Variants in PFKFB4 observed in about 807,000 individuals in gnomAD.
The protein encoded by PFKFB4 is 6-phosphofructo-2-kinase/fructose-2,6-bisphosphatase 4.
A neutral mutation model predicts 62.8 loss-of-function variants in PFKFB4; 42 were observed. The observed-to-expected ratio is 0.67, with a 90% confidence interval of 0.52 to 0.86. The LOEUF (loss-of-function observed/expected upper bound fraction) is 0.86, where lower values mean the gene tolerates loss of function less well. PFKFB4 is among the 40% of genes least tolerant of loss of function. The probability of loss-of-function intolerance (pLI) is 0.00; values close to 1 mark genes in which losing one functional copy is unlikely to be tolerated. For synonymous variants in PFKFB4, 204 were observed against 240.7 expected (o/e 0.85, Z 1.41); for missense variants, 475 against 627.2 (o/e 0.76, Z 2.59).
chr3:48,519,736 G>A lies in PFKFB4; in HGVS notation c.*11C>T. 1 of 1,608,754 alleles carries A rather than the reference G, an allele frequency of 6.2e-7. No homozygotes were observed. Among genetic ancestry groups the A allele is most frequent in the Non-Finnish European group, 8.5e-7 (1 of 1,175,604 alleles). ...CAGTGCCTGCCTAGTGGTCACAGTG[G>A]ATGAACATGGTCACTGGTGAGCAGG... is the stretch of plus-strand genomic sequence containing the variant. On this transcript the variant is annotated 3_prime_UTR_variant, in exon 14 of 14. Coordinates refer to ENST00000232375, the MANE Select transcript of PFKFB4 (RefSeq NM_004567.4).
At position 48,539,743 on chromosome 3, in the gene PFKFB4, T is replaced by C. The variant is rs1429783607; in HGVS notation, c.407A>G (p.Glu136Gly). 1.9e-6 allele frequency: 3 copies of C among 1,614,030 alleles called. No individual in the cohort carries two copies. The African/African-American group carries it at 4.0e-5, about 22-fold the overall frequency. Reference sequence around the variant, plus strand: ...AAAATTAAAGATGGTCGCTCTCCGTTCTCGGGTGGTGTTTGTGGCATCAAA... The same window carrying C: ...AAAATTAAAGATGGTCGCTCTCCGTCCTCGGGTGGTGTTTGTGGCATCAAA... ...AVFDATNTTRERRATIFNFGE... is the reference protein window; with the variant it reads ...AVFDATNTTRGRRATIFNFGE... The change falls in exon 5 of 14, where the codon GAA (glutamate) becomes GGA (glycine). Residue 136 changes from glutamate to glycine, a missense_variant. Coordinates refer to ENST00000232375, the MANE Select transcript of PFKFB4 (RefSeq NM_004567.4).
In PFKFB4 at chr3:48,518,029, A is replaced by G. The variant is rs569948728; in HGVS notation, c.*1718T>C. 1 of 152,322 alleles carries G rather than the reference A, an allele frequency of 6.6e-6. No individual in the cohort carries two copies. Among genetic ancestry groups the G allele is most frequent in the Non-Finnish European group, 1.5e-5 (1 of 68,086 alleles). 9.4% of individuals were successfully genotyped at this position (152,322 alleles called of 1,614,324 possible). A position where few individuals can be genotyped will look rare whatever the true frequency, so the allele number is the denominator to read the frequency against. ...CACCTCAGATGACATCCAGAGGTACATGCACTGTTGCTGACCAAGGGAACC... is the reference window on the plus strand; with the variant it reads ...CACCTCAGATGACATCCAGAGGTACGTGCACTGTTGCTGACCAAGGGAACC... On this transcript the variant is annotated 3_prime_UTR_variant, in exon 14 of 14. Coordinates refer to ENST00000232375, the MANE Select transcript of PFKFB4 (RefSeq NM_004567.4).
At chr3:48,528,424 G>A (rs1368574472) in intron 9 of PFKFB4, among the ~76,000 whole-genome samples, 2 of 152,192 alleles carry the variant, frequency 1.3e-5, no homozygotes, top group African/African-American at 4.8e-5. Context: ...CACTTTGGGA[G>A]GCCAAGGCAG....
At chr3:48,552,887 C>T (rs1048390489) in intron 1 of PFKFB4, among the ~76,000 whole-genome samples, 6 of 152,212 alleles carry the variant, frequency 3.9e-5, no homozygotes, top group Non-Finnish European at 7.3e-5. Context: ...GCAAATCAGG[C>T]CTGGGTGCAA....
At chr3:48,555,560 T>C (rs961428698) in intron 1 of PFKFB4, among the ~76,000 whole-genome samples, 1 of 152,176 alleles carries the variant, frequency 6.6e-6, no homozygotes, top group Non-Finnish European at 1.5e-5. Flanking sequence ...GCAAATTCAT[T>C]ACAATGTTTC....
At chr3:48,539,614 G>T in intron 5 of PFKFB4, 83 bp downstream of exon 5, 1 of 1,136,910 alleles carries the variant, frequency 8.8e-7, no homozygotes, top group Non-Finnish European at 1.3e-6. Flanking sequence ...TGCCCCTCAT[G>T]CATAAGCAGG....
chr3:48,536,301 C>T lies in PFKFB4; in HGVS notation c.795G>A (p.Lys265=), dbSNP rs1299906323. 1.9e-6 allele frequency: 3 copies of T among 1,614,050 alleles called. No individual in the cohort carries two copies. In the African/African-American group the frequency reaches 4.0e-5, roughly 22 times the overall value. The part of the protein sequence containing the change: ...CRHGESELNL[K]GRIGGDPGLS... ...GTCCTGGGTCCCCGCCAATCCGGCC[C>T]TTGAGGTTGAGCTCGCTCTCCCCGT... Residue 265 remains lysine, a synonymous_variant, in exon 8 of 14, where the codon AAG becomes AAA. Transcript: ENST00000232375.
chr3:48,552,071 A>C (rs377205958), intron 1 of PFKFB4, among the ~76,000 whole-genome samples: 1 of 152,284 alleles, frequency 6.6e-6, no homozygotes, highest in African/African-American at 2.4e-5. Context: ...AGGCCCCAGA[A>C]GCACTTCCGC....
upstream of PFKFB4, chr3:48,562,596 G>T (rs2043449213): frequency 1.6e-6 from 1 of 619,124 alleles, no homozygotes; most frequent in Non-Finnish European, 2.7e-6. This position sits in a 1 kb window ranked among gnomAD's most constrained non-coding sequence, Gnocchi z 4.3. Context: ...GTGACTCTGT[G>T]GGGCACTCAG....
chr3:48,556,385 G>A lies in PFKFB4; in HGVS notation c.97+296C>T, dbSNP rs1402207246. Among the ~76,000 whole-genome samples the A allele has an allele frequency of 6.6e-6, 1 of 152,180 alleles. No homozygotes were observed. The highest frequency in any genetic ancestry group is 2.4e-5 in the African/African-American group (1 of 41,426). Reference sequence around the variant, plus strand: ...ACTGGGGGCGATGGGGATTGGAGAGGGAAGCGAGGGGGCCAGAGCCCTCCC... The same window carrying A: ...ACTGGGGGCGATGGGGATTGGAGAGAGAAGCGAGGGGGCCAGAGCCCTCCC... On this transcript the variant is annotated intron_variant, in intron 1 of 13. Coordinates refer to ENST00000232375, the MANE Select transcript of PFKFB4 (RefSeq NM_004567.4). This position sits in a 1 kb window ranked among gnomAD's most constrained non-coding sequence, Gnocchi z 5.7.
At chr3:48,527,089 C>T (rs886655409) in intron 9 of PFKFB4, among the ~76,000 whole-genome samples, 1 of 151,960 alleles carries the variant, frequency 6.6e-6, no homozygotes, top group African/African-American at 2.4e-5. Flanking sequence ...CAACTGGAAA[C>T]TAGGAAGAGG....
At chr3:48,531,433 ATTTTT>A (rs757109110) in intron 9 of PFKFB4, among the ~76,000 whole-genome samples, 3 of 140,232 alleles carry the variant, frequency 2.1e-5, no homozygotes, top group Non-Finnish European at 1.6e-5. Flanking sequence ...GGAAGCAGAA[ATTTTT>A]TTTTTTTTTT....
intron 3 of PFKFB4, 60 bp downstream of exon 3, chr3:48,549,804 G>A (rs930392479): frequency 8.7e-6 from 9 of 1,039,254 alleles, no homozygotes; most frequent in Non-Finnish European, 1.2e-5. Flanking sequence ...TAATGTGTTA[G>A]CTTTCTCCAC....
intron 1 of PFKFB4, among the ~76,000 whole-genome samples, chr3:48,554,133 C>T (rs961439002): frequency 7.2e-5 from 11 of 152,128 alleles, no homozygotes; most frequent in African/African-American, 2.2e-4. Context: ...GGGGACTAGA[C>T]TCCAGAGAAA....
intron 9 of PFKFB4, among the ~76,000 whole-genome samples, chr3:48,532,761 C>A (rs943316046): frequency 5.3e-5 from 8 of 152,124 alleles, no homozygotes; most frequent in African/African-American, 1.9e-4. Context: ...GCAAGAGAAT[C>A]GTTGAGTCTA....
At chr3:48,527,686 T>C (rs2042307228) in intron 9 of PFKFB4, among the ~76,000 whole-genome samples, 1 of 139,096 alleles carries the variant, frequency 7.2e-6, no homozygotes, top group African/African-American at 2.8e-5. Context: ...TCCATCATCT[T>C]TTTTTTTTTT....
At chr3:48,555,075 C>T (rs932620193) in intron 1 of PFKFB4, among the ~76,000 whole-genome samples, 4 of 137,628 alleles carry the variant, frequency 2.9e-5, no homozygotes, top group Non-Finnish European at 4.7e-5. Flanking sequence ...AAAAAAAGTC[C>T]AGGTCCTCAC....
intron 9 of PFKFB4, among the ~76,000 whole-genome samples, chr3:48,529,047 A>ATTTATTTATTTT (rs2042351015): frequency 6.6e-6 from 1 of 151,350 alleles, no homozygotes; most frequent in African/African-American, 2.4e-5. Context: ...TTATTTATTT[A>ATTTATTTATTTT]TTTTTTTAGA....
At chr3:48,555,759 A>C (rs2107608198) in intron 1 of PFKFB4, among the ~76,000 whole-genome samples, 1 of 152,190 alleles carries the variant, frequency 6.6e-6, no homozygotes. Context: ...GAAAAAAAAA[A>C]GCTGGGTGTG....
Sources: allele counts gnomAD v4.1 joint callset (sites outside exome capture counted in the v4.1 genomes callset), GRCh38; gene constraint gnomAD v4.1.1; non-coding constraint Gnocchi (gnomAD v3.1); transcripts MANE v1.5; gene names NCBI Gene and HGNC (gene_info 2026-07-23, HGNC 2026-07-21).